PCDH15: variants seen among roughly 807,000 people sequenced by gnomAD.
PCDH15 encodes protocadherin related 15.
Under a neutral mutation model 178.5 loss-of-function variants are expected in PCDH15, and 129 were observed. The ratio of observed to expected loss-of-function variants is 0.72; its 90% CI spans 0.63 to 0.84. The LOEUF (loss-of-function observed/expected upper bound fraction) is 0.84, where lower values mean the gene tolerates loss of function less well. Among genes scored for constraint, PCDH15 ranks in the 40% least tolerant of loss-of-function variants. The pLI is 0.00. For synonymous variants in PCDH15, 800 were observed against 732.0 expected (o/e 1.09, Z -1.50); for missense variants, 2,230 against 2,099.9 (o/e 1.06, Z -1.21).
At chr10:53,814,577 T>C (rs2075993194) in intron 35 of PCDH15, among the ~76,000 whole-genome samples, 1 of 151,932 alleles carries the variant, frequency 6.6e-6, no homozygotes, top group Non-Finnish European at 1.5e-5. Context: ...TAAAGAGGGA[T>C]AGGAACTAGC....
At chr10:54,144,895 T>A (rs1277369608) in intron 14 of PCDH15, among the ~76,000 whole-genome samples, 1 of 152,166 alleles carries the variant, frequency 6.6e-6, no homozygotes, top group Non-Finnish European at 1.5e-5. Context: ...CAAAATCTGC[T>A]TTCCATTTCT....
At chr10:54,251,401 G>A (rs1269067808) in intron 8 of PCDH15, among the ~76,000 whole-genome samples, 1 of 152,070 alleles carries the variant, frequency 6.6e-6, no homozygotes, top group South Asian at 2.1e-4. Context: ...TATTGTACTT[G>A]CTTACTTCTC....
chr10:55,161,778 T>C (rs1839072639), intron 2 of PCDH15, among the ~76,000 whole-genome samples: 2 of 152,140 alleles, frequency 1.3e-5, no homozygotes, highest in Non-Finnish European at 2.9e-5. Context: ...ACAAGTGATC[T>C]GAGGATCGCA....
intron 14 of PCDH15, among the ~76,000 whole-genome samples, chr10:54,144,282 C>A (rs75440096): frequency 0.032 from 4,846 of 152,042 alleles, 118 homozygotes; most frequent in South Asian, 0.085. Flanking sequence ...GGACTGAAAC[C>A]GACCAAACAG....
intron 2 of PCDH15, among the ~76,000 whole-genome samples, chr10:54,971,477 A>G (rs1050043371): frequency 2.0e-5 from 3 of 152,208 alleles, no homozygotes; most frequent in African/African-American, 7.2e-5. Flanking sequence ...TCTCCAGAAC[A>G]GTAAGAAATA....
At position 55,279,586 on chromosome 10, in the gene PCDH15, T is replaced by C. The variant is rs145333625; in HGVS notation, c.-156+40013A>G. On this transcript the variant is annotated intron_variant, in intron 1 of 5. Transcript: ENST00000458638. ...CTGTTTCATTGCCATCTTGAAATTC[T>C]TCAGAATTTTTTAACAAGAAGCCCC... is the stretch of plus-strand genomic sequence containing the variant. Among the ~76,000 whole-genome samples the C allele has an allele frequency of 9.6e-3, 1,462 of 152,298 alleles. 23 individuals are homozygous for C. Among genetic ancestry groups the C allele is most frequent in the African/African-American group, 0.032 (1,331 of 41,558 alleles).
At chr10:54,113,147 AT>A (rs2095055171) in intron 15 of PCDH15, among the ~76,000 whole-genome samples, 1 of 152,182 alleles carries the variant, frequency 6.6e-6, no homozygotes, top group African/African-American at 2.4e-5. Context: ...GGAACTGGAC[AT>A]GTGTAGGCAT....
At chr10:54,448,851 A>G (rs956710464) in intron 3 of PCDH15, among the ~76,000 whole-genome samples, 7 of 151,844 alleles carry the variant, frequency 4.6e-5, no homozygotes, top group South Asian at 2.1e-4. Context: ...CAACTTCTAG[A>G]TGAATGGATG....
Position 54,421,932 on chromosome 10 carries a change from TATATATATATATAAAA to T in PCDH15, c.158-43006_158-42991del, listed in dbSNP as rs1302053755. Among the ~76,000 whole-genome samples, 10 of 105,648 alleles carry T rather than the reference TATATATATATATAAAA, an allele frequency of 9.5e-5. No individual in the cohort carries two copies. In the South Asian group the frequency reaches 1.7e-3, roughly 18 times the overall value. The allele number at this position is 105,648 out of a possible 152,430, so 69.3% of individuals were successfully genotyped here. A position where few individuals can be genotyped will look rare whatever the true frequency, so the allele number is the denominator to read the frequency against. ...ATACACTATATATATATATACACTATATATATATATATAAAAATATATATATATATATTTAGGGAGG... is the reference window on the plus strand; with the variant it reads ...ATACACTATATATATATATACACTATATATATATATATATATTTAGGGAGG... On this transcript the variant is annotated intron_variant, in intron 3 of 37. Coordinates refer to ENST00000644397, the MANE Select transcript of PCDH15 (RefSeq NM_001384140.1).
chr10:54,155,949 G>C (rs1309674105), intron 13 of PCDH15, among the ~76,000 whole-genome samples: 7 of 152,096 alleles, frequency 4.6e-5, no homozygotes, highest in Non-Finnish European at 1.5e-5. Context: ...ATGACTCTGT[G>C]ACCAGTAGAT....
intron 2 of PCDH15, among the ~76,000 whole-genome samples, chr10:54,954,023 G>A (rs1363600673): frequency 1.3e-5 from 2 of 151,092 alleles, no homozygotes; most frequent in African/African-American, 2.4e-5. Context: ...AGGGAGGGAA[G>A]CCAAATATTT....
intron 1 of PCDH15, among the ~76,000 whole-genome samples, chr10:54,776,649 G>C (rs1438747976): frequency 6.6e-6 from 1 of 152,100 alleles, no homozygotes; most frequent in Non-Finnish European, 1.5e-5. Context: ...TTTCAGTTTA[G>C]GCTACAGAAA....
chr10:55,578,512 C>T (rs939451000), intron 2 of PCDH15, among the ~76,000 whole-genome samples: 1 of 152,176 alleles, frequency 6.6e-6, no homozygotes, highest in African/African-American at 2.4e-5. Context: ...AGCCACTGCG[C>T]CCGGCCTGAA....
intron 2 of PCDH15, among the ~76,000 whole-genome samples, chr10:55,153,110 T>TTCAAGACGTA (rs1236758534): frequency 2.0e-5 from 3 of 152,208 alleles, no homozygotes; most frequent in Non-Finnish European, 4.4e-5. Flanking sequence ...TGTCATTATT[T>TTCAAGACGTA]TCAAGACGTA....
intron 18 of PCDH15, among the ~76,000 whole-genome samples, chr10:54,058,576 C>T (rs189471540): frequency 3.4e-4 from 51 of 152,228 alleles, no homozygotes; most frequent in Admixed American, 2.8e-3. Context: ...AGCTACAGTT[C>T]GAGATTTGGG....
chr10:54,757,021 A>G (rs1947228299), intron 1 of PCDH15, among the ~76,000 whole-genome samples: 1 of 150,826 alleles, frequency 6.6e-6, no homozygotes, highest in African/African-American at 2.4e-5. Flanking sequence ...CAATTGGATT[A>G]CCATATGTCT....
intron 3 of PCDH15, among the ~76,000 whole-genome samples, chr10:54,854,400 C>T (rs1275786094): frequency 2.0e-5 from 3 of 152,204 alleles, no homozygotes; most frequent in African/African-American, 7.2e-5. Context: ...TTTGCTCCTT[C>T]CACGGTAACC....
At chr10:54,866,265 G>A (rs1953940484) in intron 3 of PCDH15, among the ~76,000 whole-genome samples, 1 of 152,114 alleles carries the variant, frequency 6.6e-6, no homozygotes, top group African/African-American at 2.4e-5. Context: ...TGTTACCACA[G>A]TAAATTTAAT....
Position 54,977,169 on chromosome 10 carries a change from C to T in PCDH15, c.-79-79669G>A, listed in dbSNP as rs75177159. ...AAAGTGTCAGAGGCTTTCACACCAG[C>T]GGGATTCCATCTTGCATAGGGTCTG... On this transcript the variant is annotated intron_variant, in intron 2 of 5. Transcript: ENST00000458638. 1.8e-3 allele frequency among the ~76,000 whole-genome samples: 270 copies of T among 152,208 alleles called. 1 individual carries two copies. The highest frequency in any genetic ancestry group is 6.0e-3 in the African/African-American group (250 of 41,556).
Sources: gnomAD v4.1 joint callset for allele counts (sites outside exome capture counted in the v4.1 genomes callset) on GRCh38, gnomAD v4.1.1 for gene constraint, MANE v1.5 for transcripts, NCBI Gene and HGNC (gene_info 2026-07-23, HGNC 2026-07-21) for gene names.